CTBP2: variants seen among roughly 807,000 people sequenced by gnomAD.
CTBP2 encodes C-terminal-binding protein 2.
CTBP2 carries 30 observed loss-of-function variants against 80.3 expected under a neutral mutation model. That is an observed-to-expected ratio of 0.37 (90% CI 0.28 to 0.51). CTBP2 has a LOEUF of 0.51. CTBP2 is among the 20% of genes least tolerant of loss of function. The pLI is 0.93. For missense variants in CTBP2, 1,212 were observed against 1,375.3 expected (o/e 0.88, Z 1.88); for synonymous variants, 594 against 587.4 (o/e 1.01, Z -0.16).
chr10:125,084,263 T>C (rs1332335009), intron 2 of CTBP2, among the ~76,000 whole-genome samples: 1 of 152,208 alleles, frequency 6.6e-6, no homozygotes, highest in Non-Finnish European at 1.5e-5. Context: ...AGCCGGCTGC[T>C]GTTTAGAAGT....
chr10:125,002,147 C>G (rs1225007988), intron 3 of CTBP2, among the ~76,000 whole-genome samples: 1 of 152,172 alleles, frequency 6.6e-6, no homozygotes, highest in African/African-American at 2.4e-5. Context: ...TGGGGCACCT[C>G]AGCACTCGTA....
upstream of CTBP2, among the ~76,000 whole-genome samples, chr10:125,030,454 G>T (rs1958059678): frequency 6.6e-6 from 1 of 152,232 alleles, no homozygotes. Context: ...TCCAGAGATG[G>T]ATCCAGACAG....
intron 1 of CTBP2, among the ~76,000 whole-genome samples, chr10:125,124,639 A>T (rs1854915131): frequency 6.6e-6 from 1 of 152,258 alleles, no homozygotes; most frequent in Admixed American, 6.5e-5. Flanking sequence ...TGCTTAAAAC[A>T]CACACAAACC....
At chr10:125,106,940 A>G (rs1851551847) in intron 2 of CTBP2, among the ~76,000 whole-genome samples, 1 of 152,232 alleles carries the variant, frequency 6.6e-6, no homozygotes, top group African/African-American at 2.4e-5. Flanking sequence ...AAGCAAAAAG[A>G]AGGGGAATGG....
At chr10:125,050,856 G>C (rs187237726) in intron 2 of CTBP2, among the ~76,000 whole-genome samples, 8 of 152,314 alleles carry the variant, frequency 5.3e-5, no homozygotes, top group East Asian at 1.9e-4. Flanking sequence ...CTCCTGATGA[G>C]AATCTTCTAG....
chr10:125,041,968 TTGGGGG>T lies in CTBP2; in HGVS notation c.-101-2819_-101-2814del, dbSNP rs1409530186. 5.6e-5 allele frequency among the ~76,000 whole-genome samples: 8 copies of T among 141,968 alleles called. 1 individual carries two copies. In the East Asian group the frequency reaches 8.3e-4, roughly 15 times the overall value. 93.1% of individuals were successfully genotyped at this position (141,968 alleles called of 152,430 possible). A position where few individuals can be genotyped will look rare whatever the true frequency, so the allele number is the denominator to read the frequency against. ...AGGCTGACTCCCATGTCTGGCTTTT[TTGGGGG>T]TGGGGGTGGGGGAGGGGGGTCACTC... On this transcript the variant is annotated intron_variant, in intron 2 of 10. Transcript: ENST00000337195.
Position 125,027,357 on chromosome 10 carries a change from G to C in CTBP2, c.403C>G (p.Pro135Ala). Residue 135 changes from proline (P) to alanine (A), a missense_variant, in exon 1 of 9, where the codon CCG becomes GCG. Physicochemically the swap from Pro to Ala is conservative, Grantham distance 27. Transcript: ENST00000309035. ...CCAAGCACTCCGTAGCTGGGGACCG[G>C]CCGGCTGACTCCTGGGTCCCGATAG... The C allele has an allele frequency of 6.2e-7, 1 of 1,613,556 alleles. No individual in the cohort carries two copies. Among genetic ancestry groups the C allele is most frequent in the Non-Finnish European group, 8.5e-7 (1 of 1,179,994 alleles).
intron 1 of CTBP2, among the ~76,000 whole-genome samples, chr10:125,148,264 C>T (rs868423454): frequency 5.3e-5 from 8 of 152,124 alleles, no homozygotes; most frequent in East Asian, 1.9e-4. Context: ...TTTCAAAGTG[C>T]GCTGCCGGGG....
At chr10:125,040,771 G>C (rs1373601517) in intron 2 of CTBP2, among the ~76,000 whole-genome samples, 1 of 152,340 alleles carries the variant, frequency 6.6e-6, no homozygotes, top group East Asian at 1.9e-4. Flanking sequence ...AGGTCAGACT[G>C]CAGGTCTACC....
At chr10:125,068,099 G>C (rs1844918834) in intron 2 of CTBP2, among the ~76,000 whole-genome samples, 1 of 152,182 alleles carries the variant, frequency 6.6e-6, no homozygotes, top group African/African-American at 2.4e-5. Flanking sequence ...AGAAAGCAAA[G>C]CGAGGAAGAT....
intron 2 of CTBP2, among the ~76,000 whole-genome samples, chr10:125,056,723 G>A (rs761327181): frequency 6.6e-6 from 1 of 152,206 alleles, no homozygotes; most frequent in African/African-American, 2.4e-5. Context: ...ACTCTTAGTC[G>A]AGGGATGTTG....
At chr10:125,114,805 A>T (rs945470998) in intron 1 of CTBP2, among the ~76,000 whole-genome samples, 1 of 31,460 alleles carries the variant, frequency 3.2e-5, no homozygotes, top group African/African-American at 1.3e-4. Flanking sequence ...CACCCACCCA[A>T]ATGCAGAGAT....
chr10:124,989,575 G>C lies in CTBP2; in HGVS notation c.2901C>G (p.Pro967=). ...CGTGTTTTGTGGGCTGGTTGGGAGA[G>C]GGCGCTTGGGAAGGATGTGCCACTG... Residue 967 remains proline, a synonymous_variant, in exon 9 of 9, where the codon CCC becomes CCG. Transcript: ENST00000309035. 6.2e-7 allele frequency: 1 copy of C among 1,613,584 alleles called. No homozygotes were observed. Among genetic ancestry groups the C allele is most frequent in the Non-Finnish European group, 8.5e-7 (1 of 1,179,830 alleles).
At chr10:125,107,416 A>G (rs1851626530) in intron 2 of CTBP2, among the ~76,000 whole-genome samples, 2 of 150,428 alleles carry the variant, frequency 1.3e-5, no homozygotes, top group Non-Finnish European at 2.9e-5. Context: ...GGGGCCACAC[A>G]CTGGGACCAG....
At chr10:125,134,107 C>T (rs17644414) in intron 1 of CTBP2, among the ~76,000 whole-genome samples, 10,968 of 152,246 alleles carry the variant, frequency 0.072, 572 homozygotes, top group Middle Eastern at 0.13. Flanking sequence ...TGTCCTGGAG[C>T]GCTAGTTACT....
chr10:125,024,699 G>A lies in CTBP2; in HGVS notation c.1678+1383C>T, dbSNP rs182055968. Among the ~76,000 whole-genome samples, 3 of 152,318 alleles carry A rather than the reference G, an allele frequency of 2.0e-5. No individual in the cohort carries two copies. The East Asian group carries it at 5.8e-4, about 29-fold the overall frequency. On this transcript the variant is annotated intron_variant, in intron 1 of 8. Coordinates refer to ENST00000309035, the MANE Select transcript of CTBP2 (RefSeq NM_022802.3). ...CGCTTTGCAAGCCCGGCCATTATCAGATGAAATTACTGGAGCAACAAATGT... is the reference window on the plus strand; with the variant it reads ...CGCTTTGCAAGCCCGGCCATTATCAAATGAAATTACTGGAGCAACAAATGT...
chr10:125,009,534 C>T lies in CTBP2; in HGVS notation c.1679-6042G>A, dbSNP rs527663878. On this transcript the variant is annotated intron_variant, in intron 1 of 8. Coordinates refer to ENST00000309035, the MANE Select transcript of CTBP2 (RefSeq NM_022802.3). ...GCTTCCTCTTAAATGCGGCCTGCTCCCCAATTAAGTGGCCGCTTTCTGCAA... is the reference window on the plus strand; with the variant it reads ...GCTTCCTCTTAAATGCGGCCTGCTCTCCAATTAAGTGGCCGCTTTCTGCAA... 2.0e-5 allele frequency among the ~76,000 whole-genome samples: 3 copies of T among 152,342 alleles called. No homozygotes were observed. In the South Asian group the frequency reaches 6.2e-4, roughly 32 times the overall value.
intron 2 of CTBP2, among the ~76,000 whole-genome samples, chr10:125,056,317 C>G (rs909113003): frequency 6.6e-6 from 1 of 152,340 alleles, no homozygotes; most frequent in South Asian, 2.1e-4. Flanking sequence ...AAGCAGCCAG[C>G]AATTCCATTC....
intron 2 of CTBP2, among the ~76,000 whole-genome samples, chr10:125,108,320 T>C (rs1851764956): frequency 6.6e-6 from 1 of 152,230 alleles, no homozygotes; most frequent in Non-Finnish European, 1.5e-5. Context: ...AATTAGGACA[T>C]GCTAAAGAAA....
Sources: allele counts gnomAD v4.1 joint callset (sites outside exome capture counted in the v4.1 genomes callset), GRCh38; gene constraint gnomAD v4.1.1; transcripts MANE v1.5; gene names NCBI Gene and HGNC (gene_info 2026-07-23, HGNC 2026-07-21).